The following MDGA2 variants were observed in gnomAD, a reference collection of about 807,000 sequenced individuals.
MDGA2 encodes MAM domain-containing glycosylphosphatidylinositol anchor protein 2.
In MDGA2, 40 loss-of-function variants were observed where a neutral mutation model predicts 117.8. The observed-to-expected ratio is 0.34, with a 90% CI of 0.26 to 0.44. The LOEUF is 0.44. Ranked by LOEUF, MDGA2 falls within the 20% of genes least tolerant of loss-of-function variation. The pLI, the probability that MDGA2 is intolerant of heterozygous loss-of-function variation, is 1.00. For missense variants in MDGA2, 1,123 were observed against 1,250.6 expected, an observed-to-expected ratio of 0.90 and a Z score of 1.54; for synonymous variants, 452 against 439.0, an observed-to-expected ratio of 1.03 and a Z score of -0.37.
chr14:47,531,220 G>A (rs1330346549), intron 1 of MDGA2, among the ~76,000 whole-genome samples: 1 of 152,110 alleles, frequency 6.6e-6, no homozygotes, highest in Non-Finnish European at 1.5e-5. Context: ...ACTCCAGCCT[G>A]GGCGACAGAG....
intron 1 of MDGA2, among the ~76,000 whole-genome samples, chr14:47,563,101 T>C (rs113109603): frequency 1.1e-3 from 171 of 152,208 alleles, no homozygotes; most frequent in African/African-American, 3.9e-3. Context: ...GAAAGCATGG[T>C]TGGTATGATT....
At chr14:47,277,087 C>T (rs1019022807) in intron 2 of MDGA2, among the ~76,000 whole-genome samples, 6 of 152,084 alleles carry the variant, frequency 3.9e-5, no homozygotes, top group African/African-American at 1.4e-4. Flanking sequence ...AGCCATAAAG[C>T]TCTTATGAAG....
intron 8 of MDGA2, among the ~76,000 whole-genome samples, chr14:47,010,109 T>C (rs1887846479): frequency 6.6e-6 from 1 of 152,092 alleles, no homozygotes; most frequent in African/African-American, 2.4e-5. Flanking sequence ...CCCTGTGGCA[T>C]CTTTGCCTTT....
At chr14:47,142,640 T>A (rs975061861) in intron 4 of MDGA2, among the ~76,000 whole-genome samples, 1 of 152,184 alleles carries the variant, frequency 6.6e-6, no homozygotes, top group African/African-American at 2.4e-5. Flanking sequence ...TAATAGATGA[T>A]CATTTATCTG....
chr14:47,372,862 AT>A (rs1891394580), intron 1 of MDGA2, among the ~76,000 whole-genome samples: 1 of 151,958 alleles, frequency 6.6e-6, no homozygotes, highest in Admixed American at 6.6e-5. Context: ...TATACTTTTT[AT>A]TATAATTTTA....
chr14:47,664,568 G>A (rs979165043), intron 1 of MDGA2, among the ~76,000 whole-genome samples: 5 of 152,204 alleles, frequency 3.3e-5, no homozygotes, highest in African/African-American at 1.2e-4. Flanking sequence ...ATTTTTGCCT[G>A]AAGTAACACA....
chr14:46,962,759 G>A (rs1258617693), intron 8 of MDGA2, among the ~76,000 whole-genome samples: 5 of 152,050 alleles, frequency 3.3e-5, no homozygotes, highest in African/African-American at 4.8e-5. Context: ...GCTGACTGAA[G>A]GTTACAGTTA....
chr14:47,135,607 C>CT (rs999043405), intron 4 of MDGA2, among the ~76,000 whole-genome samples: 9 of 150,500 alleles, frequency 6.0e-5, no homozygotes, highest in Non-Finnish European at 1.0e-4. Context: ...ATTCTCTTTT[C>CT]TTTTTTTTTC....
chr14:47,345,452 GT>G (rs1332224551), intron 1 of MDGA2, among the ~76,000 whole-genome samples: 1 of 152,082 alleles, frequency 6.6e-6, no homozygotes, highest in Non-Finnish European at 1.5e-5. Context: ...CCATTTGCAA[GT>G]GAAGTATCAA....
At chr14:47,118,630 T>G (rs1202369796) in intron 5 of MDGA2, among the ~76,000 whole-genome samples, 12 of 152,230 alleles carry the variant, frequency 7.9e-5, no homozygotes, top group Non-Finnish European at 2.9e-5. Flanking sequence ...TATAGAATTA[T>G]TTTGTTTTCC....
chr14:47,326,478 T>A (rs902347102), intron 1 of MDGA2, among the ~76,000 whole-genome samples: 2 of 151,998 alleles, frequency 1.3e-5, no homozygotes, highest in African/African-American at 2.4e-5. Flanking sequence ...TCAAATAGCT[T>A]TCCAATTATT....
chr14:47,401,187 CATT>C (rs1296428918), intron 1 of MDGA2, among the ~76,000 whole-genome samples: 2 of 151,946 alleles, frequency 1.3e-5, no homozygotes, highest in East Asian at 3.9e-4. Context: ...CACAATTGCT[CATT>C]ATTTTTATCT....
rs547735210 is a variant in MDGA2, at chr14:47,495,019, T to C, written c.280+179498A>G. The stretch of plus-strand genomic sequence containing the variant: ...TAGTGTATGTATGTGTGTGTATACA[T>C]TAGGTAATAGATTAGATATTTGTAT... On this transcript the variant is annotated intron_variant, in intron 1 of 16. Transcript: ENST00000399232. Among the ~76,000 whole-genome samples, 4 of 152,004 alleles carry C rather than the reference T, an allele frequency of 2.6e-5. No homozygotes were observed. The South Asian group carries it at 8.3e-4, about 32-fold the overall frequency.
At chr14:47,070,773 T>C (rs530155611) in intron 6 of MDGA2, among the ~76,000 whole-genome samples, 2 of 152,248 alleles carry the variant, frequency 1.3e-5, no homozygotes, top group East Asian at 3.9e-4. Context: ...GCCTAGCTAA[T>C]TTTTGTATTT....
At chr14:47,295,769 T>A (rs1387170813) in intron 2 of MDGA2, among the ~76,000 whole-genome samples, 2 of 152,054 alleles carry the variant, frequency 1.3e-5, no homozygotes, top group Non-Finnish European at 2.9e-5. Flanking sequence ...TAGGGGGTAG[T>A]GGTACGTGCC....
intron 10 of MDGA2, among the ~76,000 whole-genome samples, chr14:46,886,004 G>A (rs1228657831): frequency 1.3e-5 from 2 of 152,060 alleles, no homozygotes; most frequent in African/African-American, 2.4e-5. Context: ...TTCAAAAGAC[G>A]TTTGCTATGC....
rs746447858 is a variant in MDGA2, at chr14:47,240,455, T to C, written c.421-22260A>G. 1.9e-4 allele frequency among the ~76,000 whole-genome samples: 29 copies of C among 151,852 alleles called. 2 individuals are homozygous for C. Among genetic ancestry groups the C allele is most frequent in the Non-Finnish European group, 3.2e-4 (22 of 67,844 alleles). Reference sequence around the variant, plus strand: ...TTCAATAAAACAGCAATCATAATAATAAAGAGTAACTAGTTTATTAAAAAG... The same window carrying C: ...TTCAATAAAACAGCAATCATAATAACAAAGAGTAACTAGTTTATTAAAAAG... On this transcript the variant is annotated intron_variant, in intron 2 of 16. Transcript: ENST00000399232.
At position 46,855,267 on chromosome 14, in the gene MDGA2, T is replaced by C; in HGVS notation, c.2753-113A>G. ...ACTGAAATTTTACAGAACACTCTAG[T>C]GTCTTGTCCTCTCTTCTCCTCTCAT... On this transcript the variant is annotated intron_variant, in intron 14 of 16. Coordinates refer to ENST00000399232, the MANE Select transcript of MDGA2 (RefSeq NM_001113498.3). The surrounding 1 kb of genome is among the most constrained non-coding windows in gnomAD (Gnocchi z 4.1). The C allele has an allele frequency of 1.3e-6, 1 of 755,780 alleles. No homozygotes were observed. The highest frequency in any genetic ancestry group is 2.1e-6 in the Non-Finnish European group (1 of 486,936). 46.8% of individuals were successfully genotyped at this position (755,780 alleles called of 1,614,324 possible).
At chr14:47,299,588 T>C (rs1335499585) in intron 2 of MDGA2, 1 of 152,236 alleles carries the variant, frequency 6.6e-6, no homozygotes, top group African/African-American at 2.4e-5. Flanking sequence ...ATATTTTCCT[T>C]GAGTTAATAT....
Sources: gnomAD v4.1 joint callset for allele counts (sites outside exome capture counted in the v4.1 genomes callset) on GRCh38, gnomAD v4.1.1 for gene constraint, Gnocchi (gnomAD v3.1) non-coding constraint, MANE v1.5 for transcripts, NCBI Gene and HGNC (gene_info 2026-07-23, HGNC 2026-07-21) for gene names.